MUSTN1: variants seen among roughly 807,000 people sequenced by gnomAD.
MUSTN1 encodes the protein musculoskeletal, embryonic nuclear protein 1.
MUSTN1 carries 14 observed loss-of-function variants against 11.8 expected under a neutral mutation model. The ratio of observed to expected loss-of-function variants is 1.18; its 90% CI spans 0.78 to 1.85. The LOEUF is 1.85. MUSTN1 is among the 40% of genes most tolerant of loss of function. The probability of loss-of-function intolerance (pLI) is 0.00; values close to 1 mark genes in which losing one functional copy is unlikely to be tolerated. For missense variants in MUSTN1, 111 were observed against 108.8 expected (o/e 1.02, Z -0.09); for synonymous variants, 42 against 43.3 (o/e 0.97, Z 0.12).
Position 52,833,408 on chromosome 3 carries a change from C to A in MUSTN1, c.165G>T (p.Pro55=). ...RECEQAGSAA[P]SVFSRTRTGT... ...CTGTGCGGGTGCGGCTGAACACCGA[C>A]GGGGCGGCCGAGCCAGCTTGCTCTG... The change falls in exon 3 of 3, where the codon CCG becomes CCT. Residue 55 remains proline, a synonymous_variant. Transcript: ENST00000446157. 6.2e-7 allele frequency: 1 copy of A among 1,613,238 alleles called. No homozygotes were observed. The highest frequency in any genetic ancestry group is 8.5e-7 in the Non-Finnish European group (1 of 1,179,402).
rs773062774 is a variant in MUSTN1 at position 52,833,249 on chromosome 3, T to C, written c.*75A>G. The C allele has an allele frequency of 2.4e-5, 38 of 1,586,760 alleles. No homozygotes were observed. The South Asian group carries it at 3.5e-4, about 15-fold the overall frequency. ...AGACAGCAGGGGAGAGGAAGCGTTC[T>C]GGCATAAAAAAGAGTTCCTGGGAAA... On this transcript the variant is annotated 3_prime_UTR_variant, in exon 3 of 3. Transcript: ENST00000446157.
chr3:52,834,668 A>ACACACAGG (rs1700666501), intron 1 of MUSTN1: 1 of 613,840 alleles, frequency 1.6e-6, no homozygotes, highest in Non-Finnish European at 2.9e-6. Context: ...ACACACACAC[A>ACACACAGG]CACACACAGG....
intron 1 of MUSTN1, chr3:52,834,653 C>CACAT (rs202115061): frequency 4.2e-5 from 18 of 433,518 alleles, no homozygotes; most frequent in Non-Finnish European, 2.3e-5. Flanking sequence ...CACACAGATG[C>CACAT]GCACACACAC....
At chr3:52,833,561 C>T in intron 2 of MUSTN1, 56 bp downstream of exon 2, 1 of 1,596,120 alleles carries the variant, frequency 6.3e-7, no homozygotes, top group African/African-American at 1.3e-5. Flanking sequence ...CTCCCCCCAC[C>T]ACTGACACAC....
At chr3:52,834,903 C>G in intron 1 of MUSTN1, 37 bp downstream of exon 1, 1 of 1,612,014 alleles carries the variant, frequency 6.2e-7, no homozygotes, top group Non-Finnish European at 8.5e-7. Context: ...CCTCCACTCC[C>G]TCTGGCATCA....
In MUSTN1 at chr3:52,834,966, C is replaced by A; in HGVS notation, c.-18G>T. ...TGGGACATGGTGGGTATTGTGTAAG[C>A]GCTGGGTCTCTGAAGGCGCCTCTCT... On this transcript the variant is annotated 5_prime_UTR_variant, in exon 1 of 3. Transcript: ENST00000446157. The A allele has an allele frequency of 6.2e-7, 1 of 1,613,422 alleles. No individual in the cohort carries two copies. Among genetic ancestry groups the A allele is most frequent in the Non-Finnish European group, 8.5e-7 (1 of 1,179,742 alleles).
chr3:52,833,365 C>G lies in MUSTN1; in HGVS notation c.208G>C (p.Glu70Gln). 1 of 1,613,948 alleles carries G rather than the reference C, an allele frequency of 6.2e-7. No individual in the cohort carries two copies. The highest frequency in any genetic ancestry group is 1.7e-5 in the Admixed American group (1 of 60,022). Residue 70 changes from glutamate to glutamine, a missense_variant, in exon 3 of 3, where the codon GAG (glutamate) becomes CAG (glutamine). Glu to Gln is a conservative substitution (Grantham distance 29, BLOSUM62 2). Coordinates refer to ENST00000446157, the MANE Select transcript of MUSTN1 (RefSeq NM_205853.4). ...TTGGTGGGTCCGGCTTTGGGCTTCTCAAAGACAGTCTCGGTACCTGTGCGG... is the reference window on the plus strand; with the variant it reads ...TTGGTGGGTCCGGCTTTGGGCTTCTGAAAGACAGTCTCGGTACCTGTGCGG... ...RTRTGTETVF[E>Q]KPKAGPTKSV...
At chr3:52,834,092 C>T (rs367707862) in intron 1 of MUSTN1, among the ~76,000 whole-genome samples, 37 of 152,326 alleles carry the variant, frequency 2.4e-4, no homozygotes, top group African/African-American at 8.9e-4. Flanking sequence ...TTGGGCAATA[C>T]TAGGGAATTT....
At chr3:52,833,997 G>A (rs2106637385) in intron 1 of MUSTN1, among the ~76,000 whole-genome samples, 1 of 152,334 alleles carries the variant, frequency 6.6e-6, no homozygotes, top group South Asian at 2.1e-4. Flanking sequence ...AGTGGCTGCT[G>A]CAGCCTCACA....
intron 1 of MUSTN1, among the ~76,000 whole-genome samples, chr3:52,834,142 C>G (rs571711442): frequency 1.3e-5 from 2 of 152,300 alleles, no homozygotes; most frequent in South Asian, 4.1e-4. Context: ...GCAAGCGGTT[C>G]CTCAAGGATT....
intron 1 of MUSTN1, among the ~76,000 whole-genome samples, 198 bp from the exon 2 acceptor site, chr3:52,833,947 C>T (rs1700645590): frequency 1.3e-5 from 2 of 152,196 alleles, no homozygotes; most frequent in African/African-American, 2.4e-5. Context: ...TCTGACTTGC[C>T]CATGTGCCTT....
chr3:52,833,447 A>G lies in MUSTN1; in HGVS notation c.143-17T>C. On this transcript the variant is annotated splice_polypyrimidine_tract_variant and intron_variant, in intron 2 of 2. Transcript: ENST00000446157. ...CAGCTTGCTCTGTGGGAGGAGGTAAAGTCAGGGGCCAGCCTAGCTTCCTGG... is the reference window on the plus strand; with the variant it reads ...CAGCTTGCTCTGTGGGAGGAGGTAAGGTCAGGGGCCAGCCTAGCTTCCTGG... The G allele has an allele frequency of 1.2e-6, 2 of 1,607,762 alleles. No homozygotes were observed. Among genetic ancestry groups the G allele is most frequent in the Non-Finnish European group, 8.5e-7 (1 of 1,175,508 alleles).
In MUSTN1 at chr3:52,833,714, G is replaced by A. The variant is rs1238041477; in HGVS notation, c.45C>T (p.Arg15=). Residue 15 remains arginine, a synonymous_variant, in exon 2 of 3, where the codon CGC becomes CGT. Transcript: ENST00000446157. ...TCAGGTCCTCGTCCTTCACAGGGGG[G>A]CGCTTCTTCTTGATAGGGGCTTCCT... ...GAQEAPIKKK[R]PPVKDEDLKG... is the part of the protein sequence containing the mutation. The A allele has an allele frequency of 1.9e-6, 3 of 1,588,840 alleles. No individual in the cohort carries two copies. Among genetic ancestry groups the A allele is most frequent in the Non-Finnish European group, 2.6e-6 (3 of 1,167,522 alleles).
intron 1 of MUSTN1, 110 bp from the exon 2 acceptor site, chr3:52,833,859 A>G (rs1454348621): frequency 1.6e-5 from 23 of 1,456,136 alleles, no homozygotes; most frequent in Non-Finnish European, 1.9e-5. Context: ...ACCCAAGCCT[A>G]TTCAAGGCTC....
rs1380542877 is a variant in MUSTN1, at chr3:52,835,018, C to G, written c.-70G>C. The G allele has an allele frequency of 6.3e-7, 1 of 1,596,154 alleles. No individual in the cohort carries two copies. Among genetic ancestry groups the G allele is most frequent in the African/African-American group, 1.3e-5 (1 of 74,594 alleles). On this transcript the variant is annotated 5_prime_UTR_variant, in exon 1 of 3. Transcript: ENST00000446157. ...GCAGGCAGCAGCTGCTGGAAAAGAT[C>G]TGAGTGGAGCCCAGCCTTCTGAAAC...
In MUSTN1 at chr3:52,833,639, G is replaced by A; in HGVS notation, c.120C>T (p.Thr40=). The change falls in exon 2 of 3, where the codon ACC becomes ACT. Residue 40 remains threonine, a synonymous_variant. Transcript: ENST00000446157. ...LTKNQEIKSK[T]YQVMRECEQA... Reference sequence around the variant, plus strand: ...CACCACACTCTCGCATGACCTGGTAGGTCTTGGACTTGATTTCCTGGTTCT... The same window carrying A: ...CACCACACTCTCGCATGACCTGGTAAGTCTTGGACTTGATTTCCTGGTTCT... The A allele has an allele frequency of 6.2e-7, 1 of 1,610,344 alleles. No individual in the cohort carries two copies.
chr3:52,834,686 A>ACACACACAC, intron 1 of MUSTN1: 2 of 601,090 alleles, frequency 3.3e-6, no homozygotes, highest in Non-Finnish European at 3.0e-6. Flanking sequence ...AGGCACATGC[A>ACACACACAC]AAGATCTATC....
chr3:52,833,716 GCTT>G lies in MUSTN1; in HGVS notation c.40_42del (p.Lys14del), dbSNP rs746302182. 32 of 1,587,254 alleles carry G rather than the reference GCTT, an allele frequency of 2.0e-5. No individual in the cohort carries two copies. The highest frequency in any genetic ancestry group is 2.6e-5 in the Non-Finnish European group (30 of 1,166,762). ...AGGTCCTCGTCCTTCACAGGGGGGC[GCTT>G]CTTCTTGATAGGGGCTTCCTGAGCA... On this transcript the variant is annotated inframe_deletion, in exon 2 of 3. Coordinates refer to ENST00000446157, the MANE Select transcript of MUSTN1 (RefSeq NM_205853.4).
chr3:52,833,620 A>C lies in MUSTN1; in HGVS notation c.139T>G (p.Cys47Gly), dbSNP rs1417560946. The change falls in exon 2 of 3, where the codon TGT (cysteine) becomes GGT (glycine). Residue 47 changes from cysteine to glycine, a missense_variant. Cys to Gly is a radical substitution (Grantham distance 159, BLOSUM62 -3). Transcript: ENST00000446157. ...KSKTYQVMRE[C>G]EQAGSAAPSV... ...CAGATGGCATGAGGACACTCACCAC[A>C]CTCTCGCATGACCTGGTAGGTCTTG... The C allele has an allele frequency of 6.2e-7, 1 of 1,609,638 alleles. No individual in the cohort carries two copies. Among genetic ancestry groups the C allele is most frequent in the Non-Finnish European group, 8.5e-7 (1 of 1,178,260 alleles).
Sources: gnomAD v4.1 joint callset for allele counts (sites outside exome capture counted in the v4.1 genomes callset) on GRCh38, gnomAD v4.1.1 for gene constraint, MANE v1.5 for transcripts, NCBI Gene and HGNC (gene_info 2026-07-23, HGNC 2026-07-21) for gene names.